The following PKHD1L1 variants were observed in gnomAD, a reference collection of about 807,000 sequenced individuals.
The protein encoded by PKHD1L1 is fibrocystin-L.
Under a neutral mutation model 462.9 loss-of-function variants are expected in PKHD1L1, and 434 were observed. The observed-to-expected ratio is 0.94, with a 90% CI of 0.87 to 1.02. The LOEUF (loss-of-function observed/expected upper bound fraction) is 1.02. Among genes scored for constraint, PKHD1L1 ranks in the 50% least tolerant of loss-of-function variants. The probability of loss-of-function intolerance (pLI) is 0.00; values close to 1 mark genes in which losing one functional copy is unlikely to be tolerated. For missense variants in PKHD1L1, 5,202 were observed against 5,096.1 expected, an observed-to-expected ratio of 1.02 and a Z score of -0.63; for synonymous variants, 1,781 against 1,750.0, an observed-to-expected ratio of 1.02 and a Z score of -0.44.
At chr8:109,368,052 G>A (rs1185172557) in intron 2 of PKHD1L1, among the ~76,000 whole-genome samples, 1 of 152,114 alleles carries the variant, frequency 6.6e-6, no homozygotes, top group African/African-American at 2.4e-5. Context: ...TTGATTAAGA[G>A]CATTATAATT....
At chr8:109,485,901 T>G (rs1818500248) in intron 58 of PKHD1L1, among the ~76,000 whole-genome samples, 1 of 151,976 alleles carries the variant, frequency 6.6e-6, no homozygotes, top group South Asian at 2.1e-4. Context: ...TTTCTTTAAA[T>G]CATAAAGAAA....
chr8:109,486,112 A>G (rs1818512923), intron 58 of PKHD1L1, among the ~76,000 whole-genome samples: 1 of 151,970 alleles, frequency 6.6e-6, no homozygotes, highest in East Asian at 1.9e-4. Flanking sequence ...TAAGATGTAA[A>G]TGTACAGATG....
At chr8:109,405,819 C>T (rs1310836185) in intron 16 of PKHD1L1, among the ~76,000 whole-genome samples, 23 of 152,002 alleles carry the variant, frequency 1.5e-4, no homozygotes, top group Admixed American at 5.9e-4. Flanking sequence ...ATGTAACAAA[C>T]ATGCACATCC....
intron 9 of PKHD1L1, among the ~76,000 whole-genome samples, chr8:109,393,587 T>C (rs1224424751): frequency 6.6e-6 from 1 of 152,190 alleles, no homozygotes; most frequent in African/African-American, 2.4e-5. Flanking sequence ...GGAGTAGTAC[T>C]GTGTAATACA....
intron 77 of PKHD1L1, among the ~76,000 whole-genome samples, chr8:109,529,444 A>T (rs1001441075): frequency 2.0e-5 from 3 of 152,154 alleles, no homozygotes; most frequent in African/African-American, 7.2e-5. Flanking sequence ...TTTTTTTCTC[A>T]GAAGCATTAA....
In PKHD1L1 at chr8:109,493,657, C is replaced by A. The variant is rs2607628; in HGVS notation, c.10237-4C>A. 6.4e-7 allele frequency: 1 copy of A among 1,573,258 alleles called. No individual in the cohort carries two copies. Among genetic ancestry groups the A allele is most frequent in the South Asian group, 1.2e-5 (1 of 86,224 alleles). On this transcript the variant is annotated splice_polypyrimidine_tract_variant and splice_region_variant and intron_variant, in intron 62 of 77. Coordinates refer to ENST00000378402, the MANE Select transcript of PKHD1L1 (RefSeq NM_177531.6). ...ACAGTATTTTTTTTTAATCATTGCA[C>A]TAGATAAATAGAGGGACCAATACAG...
chr8:109,508,957 T>A (rs1181265224), intron 70 of PKHD1L1, among the ~76,000 whole-genome samples: 4 of 152,114 alleles, frequency 2.6e-5, no homozygotes, highest in Non-Finnish European at 5.9e-5. Flanking sequence ...TCATCGTATA[T>A]CCTTGAAATG....
At chr8:109,458,358 T>C (rs1816932237) in intron 46 of PKHD1L1, among the ~76,000 whole-genome samples, 1 of 152,058 alleles carries the variant, frequency 6.6e-6, no homozygotes, top group Admixed American at 6.6e-5. Context: ...CTCTTTGGGC[T>C]CCATTCCACT....
intron 50 of PKHD1L1, among the ~76,000 whole-genome samples, chr8:109,469,381 G>A (rs897706569): frequency 3.9e-5 from 6 of 152,138 alleles, no homozygotes; most frequent in Admixed American, 6.6e-5. Flanking sequence ...CCCCTTGGTT[G>A]AGAGATACAA....
At chr8:109,456,855 T>C (rs79363748) in intron 46 of PKHD1L1, among the ~76,000 whole-genome samples, 3,350 of 152,262 alleles carry the variant, frequency 0.022, 64 homozygotes, top group South Asian at 0.033. Context: ...CCTTAGCAAA[T>C]GGTTCCCACT....
At chr8:109,393,784 G>A (rs1812818527) in intron 9 of PKHD1L1, among the ~76,000 whole-genome samples, 3 of 152,160 alleles carry the variant, frequency 2.0e-5, no homozygotes, top group South Asian at 2.1e-4. Context: ...CAAAAAGGAG[G>A]TTCTAAAAGA....
chr8:109,497,143 A>G lies in PKHD1L1; in HGVS notation c.10477-7A>G. The G allele has an allele frequency of 6.2e-7, 1 of 1,613,430 alleles. No individual in the cohort carries two copies. The highest frequency in any genetic ancestry group is 8.5e-7 in the Non-Finnish European group (1 of 1,179,566). The stretch of plus-strand genomic sequence containing the variant: ...TAGTATTATGTAACCTGCAAATTCT[A>G]TTGCAGACCACAGAGAGTGTGCACA... On this transcript the variant is annotated splice_region_variant and splice_polypyrimidine_tract_variant and intron_variant, in intron 64 of 77. Coordinates refer to ENST00000378402, the MANE Select transcript of PKHD1L1 (RefSeq NM_177531.6).
chr8:109,420,531 A>G lies in PKHD1L1; in HGVS notation c.2538A>G (p.Arg846=). The part of the protein sequence containing the change: ...TISTLDEMPK[R]RLPALANKGI... ...TATATTCTTTAGAAATGCCCAAGAG[A>G]AGACTTCCTGCATTAGCAAATAAAG... Residue 846 remains arginine, a synonymous_variant, in exon 23 of 78, where the codon AGA becomes AGG. Coordinates refer to ENST00000378402, the MANE Select transcript of PKHD1L1 (RefSeq NM_177531.6). 6.3e-7 allele frequency: 1 copy of G among 1,585,832 alleles called. No individual in the cohort carries two copies. Among genetic ancestry groups the G allele is most frequent in the Non-Finnish European group, 8.5e-7 (1 of 1,169,784 alleles).
chr8:109,488,928 T>C (rs1193449609), intron 59 of PKHD1L1, among the ~76,000 whole-genome samples: 1 of 152,002 alleles, frequency 6.6e-6, no homozygotes, highest in Non-Finnish European at 1.5e-5. Flanking sequence ...GCTTTGATCT[T>C]TAATATTAAT....
chr8:109,429,487 T>A, intron 26 of PKHD1L1, 25 bp downstream of exon 26: 1 of 1,589,472 alleles, frequency 6.3e-7, no homozygotes, highest in Non-Finnish European at 8.6e-7. Context: ...TTTCTCATGA[T>A]GCTTAATGTA....
chr8:109,364,316 C>G (rs557775111), intron 1 of PKHD1L1, among the ~76,000 whole-genome samples: 11 of 152,324 alleles, frequency 7.2e-5, no homozygotes, highest in Admixed American at 1.3e-4. Flanking sequence ...TATTTTTGCT[C>G]TTGGTAGCAC....
At position 109,413,542 on chromosome 8, in the gene PKHD1L1, A is replaced by T. The variant is rs1444021824; in HGVS notation, c.2357A>T (p.Asn786Ile). The change falls in exon 21 of 78, where the codon AAC becomes ATC. Residue 786 changes from asparagine (N) to isoleucine (I), a missense_variant. Physicochemically the swap from Asn to Ile is moderately radical, Grantham distance 149. Coordinates refer to ENST00000378402, the MANE Select transcript of PKHD1L1 (RefSeq NM_177531.6). ...TQFTYNFAYGNNWTYTCIDLL... is the reference protein window; with the variant it reads ...TQFTYNFAYGINWTYTCIDLL... The stretch of plus-strand genomic sequence containing the variant: ...TTTACATACAACTTTGCTTATGGAA[A>T]CAAGTAAGTTACGCTATGAATTTGA... 3.3e-6 allele frequency: 5 copies of T among 1,520,950 alleles called. No homozygotes were observed. The highest frequency in any genetic ancestry group is 4.4e-6 in the Non-Finnish European group (5 of 1,133,728). 94.2% of individuals were successfully genotyped at this position (1,520,950 alleles called of 1,614,324 possible).
At chr8:109,503,797 T>C (rs1819555850) in intron 67 of PKHD1L1, among the ~76,000 whole-genome samples, 1 of 152,188 alleles carries the variant, frequency 6.6e-6, no homozygotes, top group South Asian at 2.1e-4. Context: ...GCTGGATGGT[T>C]TTTCTACTGG....
chr8:109,373,908 G>C (rs1395149727), intron 2 of PKHD1L1, among the ~76,000 whole-genome samples: 1 of 152,158 alleles, frequency 6.6e-6, no homozygotes, highest in Non-Finnish European at 1.5e-5. Context: ...TTGCTGAGGA[G>C]TGCTTTACTT....
Sources: gnomAD v4.1 joint callset for allele counts (sites outside exome capture counted in the v4.1 genomes callset) on GRCh38, gnomAD v4.1.1 for gene constraint, MANE v1.5 for transcripts, NCBI Gene and HGNC (gene_info 2026-07-23, HGNC 2026-07-21) for gene names.